Variants in RGMB observed in about 807,000 individuals in gnomAD.
The protein encoded by RGMB is repulsive guidance molecule B.
A neutral mutation model predicts 26.9 loss-of-function variants in RGMB; 16 were observed. That is an observed-to-expected ratio of 0.60 (90% CI 0.40 to 0.90). The LOEUF is 0.90. RGMB is among the 40% of genes least tolerant of loss of function. RGMB has a pLI of 0.00. For synonymous variants in RGMB, 225 were observed against 229.3 expected (o/e 0.98, Z 0.17); for missense variants, 512 against 573.3 (o/e 0.89, Z 1.09).
chr5:98,773,719 G>A lies in RGMB; in HGVS notation c.-352G>A, dbSNP rs919741402. The A allele has an allele frequency of 1.9e-5, 7 of 376,384 alleles. No individual in the cohort carries two copies. Among genetic ancestry groups the A allele is most frequent in the East Asian group, 7.9e-5 (2 of 25,244 alleles). The allele number at this position is 376,384 out of a possible 1,614,324, so 23.3% of individuals were successfully genotyped here. A position where few individuals can be genotyped will look rare whatever the true frequency, so the allele number is the denominator to read the frequency against. Reference sequence around the variant, plus strand: ...GCTAGGGCTGGGCCAGCCTCTTGGAGGTCCACGCCCGCCGAGCCCACGCTG... The same window carrying A: ...GCTAGGGCTGGGCCAGCCTCTTGGAAGTCCACGCCCGCCGAGCCCACGCTG... On this transcript the variant is annotated 5_prime_UTR_variant, in exon 1 of 3. Coordinates refer to ENST00000513185, the MANE Select transcript of RGMB (RefSeq NM_001366508.1).
rs758256249 is a variant in RGMB at position 98,793,176 on chromosome 5, GCAC to G, written c.743_745del (p.Thr248del). On this transcript the variant is annotated inframe_deletion, in exon 3 of 3. Coordinates refer to ENST00000513185, the MANE Select transcript of RGMB (RefSeq NM_001366508.1). ...GACCTGCCGGCCGCCTTTGTGGATG[GCAC>G]CACCAGTGGTGGGGACAGCGATGCC... 2 of 1,613,862 alleles carry G rather than the reference GCAC, an allele frequency of 1.2e-6. No individual in the cohort carries two copies. Among genetic ancestry groups the G allele is most frequent in the Non-Finnish European group, 1.7e-6 (2 of 1,179,734 alleles).
Position 98,796,207 on chromosome 5 carries a change from G to A in RGMB, c.*2454G>A, listed in dbSNP as rs1747115491. The A allele has an allele frequency of 6.6e-6, 1 of 152,186 alleles. No homozygotes were observed. The allele number at this position is 152,186 out of a possible 1,614,324, so 9.4% of individuals were successfully genotyped here. ...TCAGGTCATACCAACATGTGGATAG[G>A]CTATAGCTGTTCAGAGGTCTCCTGG... is the stretch of plus-strand genomic sequence containing the variant. On this transcript the variant is annotated 3_prime_UTR_variant, in exon 3 of 3. Transcript: ENST00000513185.
Position 98,793,742 on chromosome 5 carries a change from G to A in RGMB, c.1303G>A (p.Val435Met), listed in dbSNP as rs562501978. The A allele has an allele frequency of 1.4e-5, 22 of 1,566,898 alleles. 1 individual carries two copies. The highest frequency in any genetic ancestry group is 1.4e-4 in the African/African-American group (10 of 73,790). ...AGGACTCACCTGCTTGATCCTTATC[G>A]TGTTTTTGTAGGGGTTGTCTTTTGT... ...SLGLTCLILI[V>M]FL The change falls in exon 3 of 3, where the codon GTG becomes ATG. Residue 435 changes from valine to methionine, a missense_variant. Val to Met is a conservative substitution (Grantham distance 21, BLOSUM62 1). Coordinates refer to ENST00000513185, the MANE Select transcript of RGMB (RefSeq NM_001366508.1).
At chr5:98,784,202 C>T (rs1279499801) in intron 2 of RGMB, among the ~76,000 whole-genome samples, 2 of 152,158 alleles carry the variant, frequency 1.3e-5, no homozygotes, top group Admixed American at 6.5e-5. Context: ...TTTGGTGCTG[C>T]CAACGGCCAC....
Position 98,773,900 on chromosome 5 carries a change from C to T in RGMB, c.-171C>T, listed in dbSNP as rs982667390. ...CGCCGCGGACTGGCTGCGCCGGCTG[C>T]GCGCTGCTTGCTGCGGCGGTGGTGG... On this transcript the variant is annotated 5_prime_UTR_variant, in exon 1 of 3. Coordinates refer to ENST00000513185, the MANE Select transcript of RGMB (RefSeq NM_001366508.1). 5.7e-6 allele frequency: 3 copies of T among 527,024 alleles called. No homozygotes were observed. Among genetic ancestry groups the T allele is most frequent in the East Asian group, 7.1e-5 (2 of 28,154 alleles). The allele number at this position is 527,024 out of a possible 1,614,324, so 32.6% of individuals were successfully genotyped here. A position where few individuals can be genotyped will look rare whatever the true frequency, so the allele number is the denominator to read the frequency against.
intron 1 of RGMB, among the ~76,000 whole-genome samples, chr5:98,775,409 G>A (rs1746369540): frequency 6.6e-6 from 1 of 152,198 alleles, no homozygotes; most frequent in African/African-American, 2.4e-5. Context: ...GTTTTAGGAT[G>A]ATTACGGCTT....
chr5:98,792,917 T>C (rs1317458953), intron 2 of RGMB, 168 bp from the exon 3 acceptor site: 13 of 544,488 alleles, frequency 2.4e-5, no homozygotes. Context: ...TTAAAAAATA[T>C]TTTCTGAAAG....
chr5:98,782,457 C>G (rs1746638092), intron 2 of RGMB, among the ~76,000 whole-genome samples: 1 of 152,186 alleles, frequency 6.6e-6, no homozygotes. Context: ...TACCACCATA[C>G]TTTCTTTAAA....
At chr5:98,782,174 C>T (rs1345434615) in intron 2 of RGMB, among the ~76,000 whole-genome samples, 1 of 152,178 alleles carries the variant, frequency 6.6e-6, no homozygotes, top group Non-Finnish European at 1.5e-5. Flanking sequence ...GGTTCCCCAT[C>T]CCCCTTCTCT....
At chr5:98,777,871 CAT>C (rs1476484055) in intron 1 of RGMB, among the ~76,000 whole-genome samples, 1 of 152,064 alleles carries the variant, frequency 6.6e-6, no homozygotes, top group East Asian at 1.9e-4. Flanking sequence ...ATAGCTCCAA[CAT>C]ATTAAAATGT....
rs1407074072 is a variant in RGMB at position 98,779,880 on chromosome 5, G to T, written c.437G>T (p.Gly146Val). 5.0e-6 allele frequency: 8 copies of T among 1,613,876 alleles called. No homozygotes were observed. Among genetic ancestry groups the T allele is most frequent in the Non-Finnish European group, 5.9e-6 (7 of 1,179,882 alleles). ...HDPCNYHSHA[G>V]AREHRRGDQN... ...CCTTGCAACTATCACAGCCACGCTG[G>T]AGCCAGGGAACACAGGAGAGGGGAC... The change falls in exon 2 of 3, where the codon GGA (glycine) becomes GTA (valine). Residue 146 changes from glycine to valine, a missense_variant. Gly to Val is a moderately radical substitution (Grantham distance 109). Coordinates refer to ENST00000513185, the MANE Select transcript of RGMB (RefSeq NM_001366508.1).
At chr5:98,770,897 CG>C, upstream of RGMB, 2 of 396,236 alleles carry the variant, frequency 5.0e-6, no homozygotes, top group Non-Finnish European at 4.5e-6. Context: ...ACACAGTGGC[CG>C]GGGAGCAGCC....
upstream of RGMB, chr5:98,771,063 A>G (rs933232586): frequency 3.2e-5 from 6 of 185,808 alleles, no homozygotes; most frequent in Non-Finnish European, 5.5e-5. Context: ...ATGAAACTGC[A>G]TCTTGTTTAG....
rs1249864434 is a variant in RGMB, at chr5:98,793,944, TTTGA to T, written c.*195_*198del. On this transcript the variant is annotated 3_prime_UTR_variant, in exon 3 of 3. Coordinates refer to ENST00000513185, the MANE Select transcript of RGMB (RefSeq NM_001366508.1). ...TTCACATATGTTGGATGTAGTGTTC[TTTGA>T]TTGTATCAATTTTGTTTTGCAGTTC... 3.5e-5 allele frequency: 18 copies of T among 512,786 alleles called. No homozygotes were observed. Among genetic ancestry groups the T allele is most frequent in the Admixed American group, 3.4e-4 (9 of 26,836 alleles). 31.8% of individuals were successfully genotyped at this position (512,786 alleles called of 1,614,324 possible). A position where few individuals can be genotyped will look rare whatever the true frequency, so the allele number is the denominator to read the frequency against.
rs1746534337 is a variant in RGMB at position 98,779,866 on chromosome 5, T to C, written c.423T>C (p.Tyr141=). 4 of 1,613,918 alleles carry C rather than the reference T, an allele frequency of 2.5e-6. No homozygotes were observed. In the Admixed American group the frequency reaches 6.7e-5, roughly 27 times the overall value. ...AAGTGACCCATGATCCTTGCAACTA[T>C]CACAGCCACGCTGGAGCCAGGGAAC... The part of the protein sequence containing the change: ...NPEVTHDPCN[Y]HSHAGAREHR... The change falls in exon 2 of 3, where the codon TAT becomes TAC. Residue 141 remains tyrosine (Y), a synonymous_variant. Transcript: ENST00000513185.
intron 1 of RGMB, among the ~76,000 whole-genome samples, chr5:98,777,035 G>A (rs1303046887): frequency 1.3e-5 from 2 of 151,236 alleles, no homozygotes; most frequent in African/African-American, 2.4e-5. Flanking sequence ...GCAGTGAGCC[G>A]AGATCGCGCC....
At position 98,773,927 on chromosome 5, in the gene RGMB, G is replaced by A. The variant is rs1244803977; in HGVS notation, c.-144G>A. On this transcript the variant is annotated 5_prime_UTR_variant, in exon 1 of 3. Transcript: ENST00000513185. ...CGCTGCTTGCTGCGGCGGTGGTGGCGCCCCATCTGCTACACGGGCCTGAAG... is the reference window on the plus strand; with the variant it reads ...CGCTGCTTGCTGCGGCGGTGGTGGCACCCCATCTGCTACACGGGCCTGAAG... 2 of 560,946 alleles carry A rather than the reference G, an allele frequency of 3.6e-6. No individual in the cohort carries two copies. Among genetic ancestry groups the A allele is most frequent in the East Asian group, 3.5e-5 (1 of 28,492 alleles). The allele number at this position is 560,946 out of a possible 1,614,324, so 34.7% of individuals were successfully genotyped here. A position where few individuals can be genotyped will look rare whatever the true frequency, so the allele number is the denominator to read the frequency against.
In RGMB at chr5:98,779,551, A is replaced by G. The variant is rs771234783; in HGVS notation, c.137-29A>G. On this transcript the variant is annotated intron_variant, in intron 1 of 2. Coordinates refer to ENST00000513185, the MANE Select transcript of RGMB (RefSeq NM_001366508.1). ...CTCAGGAAGTTATGAAGAGTTTACA[A>G]ATGTTTGGTCTTATCTTCTTTCCCA... The G allele has an allele frequency of 4.7e-6, 7 of 1,496,648 alleles. No homozygotes were observed. The South Asian group carries it at 1.0e-4, about 22-fold the overall frequency. 92.7% of individuals were successfully genotyped at this position (1,496,648 alleles called of 1,614,324 possible).
At chr5:98,780,122 C>G (rs137927901) in intron 2 of RGMB, 34 bp downstream of exon 2, 1 of 1,570,492 alleles carries the variant, frequency 6.4e-7, no homozygotes, top group African/African-American at 1.4e-5. Context: ...TCTCCCTACT[C>G]AACTTTCAAA....
Sources: gnomAD v4.1 joint callset for allele counts (sites outside exome capture counted in the v4.1 genomes callset) on GRCh38, gnomAD v4.1.1 for gene constraint, MANE v1.5 for transcripts, NCBI Gene and HGNC (gene_info 2026-07-23, HGNC 2026-07-21) for gene names.